COL23A1: variants seen among roughly 807,000 people sequenced by gnomAD.
The protein encoded by COL23A1 is collagen type XXIII alpha 1 chain.
In COL23A1, 97 loss-of-function variants were observed where a neutral mutation model predicts 99.3. The observed-to-expected ratio is 0.98, with a 90% CI of 0.83 to 1.16. The LOEUF (loss-of-function observed/expected upper bound fraction) is 1.16. COL23A1 is among the 50% of genes most tolerant of loss of function. COL23A1 has a pLI of 0.00. For synonymous variants in COL23A1, 320 were observed against 308.2 expected (o/e 1.04, Z -0.40); for missense variants, 762 against 757.4 (o/e 1.01, Z -0.07).
intron 2 of COL23A1, chr5:178,438,549 G>A (rs1766688048): frequency 6.6e-6 from 1 of 152,122 alleles, no homozygotes; most frequent in South Asian, 2.1e-4. Flanking sequence ...CAGCTAACAT[G>A]CTGGTTCCTT....
At chr5:178,472,202 G>A (rs924731101) in intron 2 of COL23A1, among the ~76,000 whole-genome samples, 1 of 152,194 alleles carries the variant, frequency 6.6e-6, no homozygotes, top group Admixed American at 6.5e-5. Flanking sequence ...CTGAAGAGAG[G>A]AAGCTGCATG....
At chr5:178,525,897 T>C (rs1253387280) in intron 2 of COL23A1, among the ~76,000 whole-genome samples, 1 of 152,254 alleles carries the variant, frequency 6.6e-6, no homozygotes, top group African/African-American at 2.4e-5. Context: ...CCCAAAACTC[T>C]TTACACCTCA....
chr5:178,540,267 G>GA (rs1761215538), intron 2 of COL23A1, among the ~76,000 whole-genome samples: 1 of 152,088 alleles, frequency 6.6e-6, no homozygotes, highest in African/African-American at 2.4e-5. Context: ...AAGATACATG[G>GA]AAAATCTAAA....
chr5:178,374,279 T>G (rs543563970), intron 2 of COL23A1, among the ~76,000 whole-genome samples: 4 of 152,132 alleles, frequency 2.6e-5, no homozygotes, highest in Non-Finnish European at 5.9e-5. Flanking sequence ...CTTCTATCCC[T>G]GAGGTGCCCT....
chr5:178,241,802 CT>C (rs1764415296), intron 27 of COL23A1, among the ~76,000 whole-genome samples: 1 of 152,246 alleles, frequency 6.6e-6, no homozygotes, highest in African/African-American at 2.4e-5. Context: ...GGGCCTCCAG[CT>C]CTACAGAGGG....
rs542857367 is a variant in COL23A1 at position 178,434,967 on chromosome 5, C to T, written c.361+125715G>A. 6.6e-6 allele frequency among the ~76,000 whole-genome samples: 1 copy of T among 152,200 alleles called. No individual in the cohort carries two copies. The highest frequency in any genetic ancestry group is 2.4e-5 in the African/African-American group (1 of 41,454). On this transcript the variant is annotated intron_variant, in intron 2 of 28. Transcript: ENST00000390654. This position sits in a 1 kb window ranked among gnomAD's most constrained non-coding sequence, Gnocchi z 4.3. ...AGACTGTGTTTCCCAGGGGCCTCTGCTGCAAGGGAGGGGGTCGGCACCCGT... is the reference window on the plus strand; with the variant it reads ...AGACTGTGTTTCCCAGGGGCCTCTGTTGCAAGGGAGGGGGTCGGCACCCGT...
At chr5:178,493,498 A>T (rs929233660) in intron 2 of COL23A1, among the ~76,000 whole-genome samples, 5 of 152,194 alleles carry the variant, frequency 3.3e-5, no homozygotes, top group African/African-American at 1.2e-4. Flanking sequence ...AGAGTTCTCC[A>T]GGTCAGCCAC....
chr5:178,441,963 G>A lies in COL23A1; in HGVS notation c.361+118719C>T, dbSNP rs115001935. ...AGCATGACCAGGCAGAGGGTCCAGT[G>A]GCTCATGCCTCAGTTTCCCTGCCCC... On this transcript the variant is annotated intron_variant, in intron 2 of 28. Coordinates refer to ENST00000390654, the MANE Select transcript of COL23A1 (RefSeq NM_173465.4). 3.3e-3 allele frequency among the ~76,000 whole-genome samples: 495 copies of A among 152,268 alleles called. 2 individuals are homozygous for A. Among genetic ancestry groups the A allele is most frequent in the African/African-American group, 0.011 (473 of 41,542 alleles).
chr5:178,365,462 C>G lies in COL23A1; in HGVS notation c.362-58543G>C, dbSNP rs1581238222. ...GACGGGTACCCGCCACCCAATCCCT[C>G]TTTCTTTTGACGGGTACCCGCCACC... On this transcript the variant is annotated intron_variant, in intron 2 of 28. Coordinates refer to ENST00000390654, the MANE Select transcript of COL23A1 (RefSeq NM_173465.4). This position sits in a 1 kb window ranked among gnomAD's most constrained non-coding sequence, Gnocchi z 5.2. 6.6e-6 allele frequency among the ~76,000 whole-genome samples: 1 copy of G among 151,946 alleles called. No individual in the cohort carries two copies. The highest frequency in any genetic ancestry group is 2.4e-5 in the African/African-American group (1 of 41,380).
rs1420147330 is a variant in COL23A1 at position 178,290,753 on chromosome 5, CATTT to C, written c.407-388_407-385del. Among the ~76,000 whole-genome samples, 390 of 152,248 alleles carry C rather than the reference CATTT, an allele frequency of 2.6e-3. 2 individuals carry two copies. The highest frequency in any genetic ancestry group is 3.2e-3 in the Non-Finnish European group (221 of 68,016). ...ATTGAGGGCAGACTGGGGGAGCAAA[CATTT>C]TGGACAGAGAGAATACTGGGAGGAA... On this transcript the variant is annotated intron_variant, in intron 3 of 28. Coordinates refer to ENST00000390654, the MANE Select transcript of COL23A1 (RefSeq NM_173465.4).
intron 2 of COL23A1, among the ~76,000 whole-genome samples, chr5:178,377,205 T>A (rs1299211656): frequency 6.6e-6 from 1 of 152,216 alleles, no homozygotes; most frequent in Non-Finnish European, 1.5e-5. Flanking sequence ...ATGATTAACG[T>A]AATTCCAACA....
intron 2 of COL23A1, among the ~76,000 whole-genome samples, chr5:178,377,279 A>G (rs145414059): frequency 2.6e-5 from 4 of 152,354 alleles, no homozygotes; most frequent in Admixed American, 6.5e-5. Flanking sequence ...TCCCCTGAAC[A>G]TGCCATGTCT....
At chr5:178,350,359 C>G (rs913185975) in intron 2 of COL23A1, among the ~76,000 whole-genome samples, 75 of 152,306 alleles carry the variant, frequency 4.9e-4, no homozygotes, top group African/African-American at 1.7e-3. Context: ...CAGCACAGTG[C>G]CTGGTACACA....
Position 178,470,983 on chromosome 5 carries a change from T to C in COL23A1, c.361+89699A>G, listed in dbSNP as rs189568979. 3.3e-5 allele frequency among the ~76,000 whole-genome samples: 5 copies of C among 152,342 alleles called. No individual in the cohort carries two copies. The East Asian group carries it at 9.7e-4, about 29-fold the overall frequency. ...AGATCCAACCAGACCCTCTGAGCTTTGCTAACTTTCAGCTCTGTGCAGTGC... is the reference window on the plus strand; with the variant it reads ...AGATCCAACCAGACCCTCTGAGCTTCGCTAACTTTCAGCTCTGTGCAGTGC... On this transcript the variant is annotated intron_variant, in intron 2 of 28. Transcript: ENST00000390654.
At chr5:178,525,979 A>G (rs1175960572) in intron 2 of COL23A1, among the ~76,000 whole-genome samples, 1 of 152,026 alleles carries the variant, frequency 6.6e-6, no homozygotes, top group Non-Finnish European at 1.5e-5. Flanking sequence ...AAACTCATAC[A>G]AACTTGAAGA....
intron 2 of COL23A1, among the ~76,000 whole-genome samples, chr5:178,436,002 A>G (rs534795013): frequency 7.2e-4 from 109 of 152,360 alleles, no homozygotes; most frequent in Middle Eastern, 3.4e-3. Context: ...TGTGCTGGGC[A>G]TCGTGGGCAT....
chr5:178,326,414 T>TAAG (rs1759663205), intron 2 of COL23A1, among the ~76,000 whole-genome samples: 1 of 148,478 alleles, frequency 6.7e-6, no homozygotes, highest in African/African-American at 2.5e-5. Context: ...AGAGAACATT[T>TAAG]AAAAAAAAAA....
chr5:178,388,957 A>T (rs1763812786), intron 2 of COL23A1, among the ~76,000 whole-genome samples: 1 of 152,066 alleles, frequency 6.6e-6, no homozygotes, highest in African/African-American at 2.4e-5. Flanking sequence ...TGACTGTGGA[A>T]CCCTTTCCGC....
intron 2 of COL23A1, among the ~76,000 whole-genome samples, chr5:178,517,072 A>T (rs1759560811): frequency 6.6e-6 from 1 of 152,086 alleles, no homozygotes; most frequent in African/African-American, 2.4e-5. Context: ...AACCACATCC[A>T]TCCTCCCATC....
Sources: allele counts gnomAD v4.1 joint callset (sites outside exome capture counted in the v4.1 genomes callset), GRCh38; gene constraint gnomAD v4.1.1; non-coding constraint Gnocchi (gnomAD v3.1); transcripts MANE v1.5; gene names NCBI Gene and HGNC (gene_info 2026-07-23, HGNC 2026-07-21).